The following FTCD variants were observed in gnomAD, a reference collection of about 807,000 sequenced individuals.
FTCD encodes formimidoyltransferase cyclodeaminase.
In FTCD, 76 loss-of-function variants were observed where a neutral mutation model predicts 62.9. The ratio of observed to expected loss-of-function variants is 1.21; its 90% CI spans 1.00 to 1.46. FTCD has a LOEUF of 1.46. Ranked by LOEUF, FTCD falls within the 40% of genes most tolerant of loss-of-function variation. The pLI is 0.00. For missense variants in FTCD, 845 were observed against 751.3 expected (o/e 1.12, Z -1.46); for synonymous variants, 397 against 336.9 (o/e 1.18, Z -1.95).
rs148763241 is a variant in FTCD at position 46,151,596 on chromosome 21, C to G, written c.598G>C (p.Ala200Pro). 6.2e-7 allele frequency: 1 copy of G among 1,613,014 alleles called. No homozygotes were observed. The highest frequency in any genetic ancestry group is 8.5e-7 in the Non-Finnish European group (1 of 1,179,978). ...CGGCCCTGCTCCCGCAGGTTGAGCG[C>G]GATGCGGTGGGCTTGCTCCTTTGTG... ...LGTKEQAHRI[A>P]LNLREQGRGK... The change falls in exon 5 of 14, where the codon GCG becomes CCG. Residue 200 changes from alanine (A) to proline (P), a missense_variant. Transcript: ENST00000397746.
At position 46,151,919 on chromosome 21, in the gene FTCD, G is replaced by C. The variant is rs771547230; in HGVS notation, c.429C>G (p.Ala143=). 2.5e-6 allele frequency: 4 copies of C among 1,568,834 alleles called. No individual in the cohort carries two copies. Among genetic ancestry groups the C allele is most frequent in the South Asian group, 2.3e-5 (2 of 85,948 alleles). The change falls in exon 4 of 14, where the codon GCC becomes GCG. Residue 143 remains alanine (A), a synonymous_variant. Coordinates refer to ENST00000397746, the MANE Select transcript of FTCD (RefSeq NM_206965.2). The stretch of plus-strand genomic sequence containing the variant: ...TCTTAGGGAGGGCCTCGTACTCCCC[G>C]GCCCGGATGGCCGGCAGGGTCCGGC... ...DSRRTLPAIR[A]GEYEALPKKL... is the part of the protein sequence containing the mutation.
At chr21:46,140,488 G>C (rs930921441) in intron 10 of FTCD, among the ~76,000 whole-genome samples, 1 of 146,320 alleles carries the variant, frequency 6.8e-6, no homozygotes, top group East Asian at 2.0e-4. Flanking sequence ...TTGTTCGCAG[G>C]GAATGTAAAT....
chr21:46,141,339 G>A (rs949933865), intron 10 of FTCD, among the ~76,000 whole-genome samples: 56 of 151,764 alleles, frequency 3.7e-4, no homozygotes, highest in African/African-American at 1.4e-3. Context: ...TAAATACAGG[G>A]TCTTGGTGTG....
Position 46,152,887 on chromosome 21 carries a change from G to C in FTCD, c.367+20C>G, listed in dbSNP as rs756700757. 2.6e-6 allele frequency: 4 copies of C among 1,564,088 alleles called. No individual in the cohort carries two copies. Among genetic ancestry groups the C allele is most frequent in the Admixed American group, 1.9e-5 (1 of 53,976 alleles). ...CAATGAGACGGGAGCAGAGTGAGGG[G>C]GGCGGGGGGGCACGCTCACCTGGCA... is the stretch of plus-strand genomic sequence containing the variant. On this transcript the variant is annotated intron_variant, in intron 3 of 13. Coordinates refer to ENST00000397746, the MANE Select transcript of FTCD (RefSeq NM_206965.2).
intron 5 of FTCD, 149 bp downstream of exon 5, chr21:46,151,409 C>T (rs1467977544): frequency 1.2e-5 from 9 of 736,166 alleles, no homozygotes; most frequent in South Asian, 6.5e-5. Context: ...ACGGTGTGGA[C>T]GCGGAGGCTG....
intron 10 of FTCD, among the ~76,000 whole-genome samples, chr21:46,141,793 A>G (rs571398046): frequency 6.6e-6 from 1 of 152,340 alleles, no homozygotes; most frequent in South Asian, 2.1e-4. Flanking sequence ...TATTCACCAG[A>G]TAACTTCCTG....
chr21:46,138,684 C>A (rs1314284728), intron 11 of FTCD, 38 bp from the exon 12 acceptor site: 2 of 1,590,744 alleles, frequency 1.3e-6, no homozygotes. Context: ...CACAGCGGCA[C>A]ACACAGGCAG....
chr21:46,138,883 T>TC lies in FTCD; in HGVS notation c.1300dup (p.Asp434GlyfsTer78). The TC allele has an allele frequency of 1.9e-6, 3 of 1,612,094 alleles. No homozygotes were observed. Among genetic ancestry groups the TC allele is most frequent in the Non-Finnish European group, 2.5e-6 (3 of 1,178,328 alleles). On this transcript the variant is annotated frameshift_variant, in exon 11 of 14. Transcript: ENST00000397746. LOFTEE classifies it high-confidence loss of function. ...GCGGCCGGCCCTCCAGGCTCACCTG[T>TC]CCTTTTCCTCAGGTGTGTTCTTGGG...
intron 7 of FTCD, chr21:46,146,978 G>A (rs1295205584): frequency 6.6e-6 from 1 of 152,534 alleles, no homozygotes; most frequent in African/African-American, 2.4e-5. Flanking sequence ...TCCTTCCGCA[G>A]AAAACCCCAG....
In FTCD at chr21:46,136,998, G is replaced by C. The variant is rs756994444; in HGVS notation, c.1615C>G (p.Arg539Gly). ...AALVLDCLET[R>G]QE ...GGCCTCCCGCACCGTCACTCCTGCC[G>C]GGTCTCCAAGCAGTCCAGCACCAGT... Residue 539 changes from arginine (R) to glycine (G), a missense_variant, in exon 14 of 14, where the codon CGG becomes GGG. Coordinates refer to ENST00000397746, the MANE Select transcript of FTCD (RefSeq NM_206965.2). The C allele has an allele frequency of 2.1e-5, 34 of 1,613,228 alleles. No homozygotes were observed. The highest frequency in any genetic ancestry group is 2.8e-5 in the Non-Finnish European group (33 of 1,179,994).
At position 46,152,955 on chromosome 21, in the gene FTCD, A is replaced by G. The variant is rs377359525; in HGVS notation, c.319T>C (p.Cys107Arg). The change falls in exon 3 of 14, where the codon TGC (cysteine) becomes CGC (arginine). Residue 107 changes from cysteine to arginine, a missense_variant. Cys to Arg is a radical substitution (Grantham distance 180). Transcript: ENST00000397746. The stretch of plus-strand genomic sequence containing the variant: ...AGCCTCTGGCCAAAGGCCTGGGCGC[A>G]GAGCACACACTCATCCACGCTGACG... ...RGVSVDECVLCAQAFGQRLAE... is the reference protein window; with the variant it reads ...RGVSVDECVLRAQAFGQRLAE... 4.8e-4 allele frequency: 752 copies of G among 1,562,668 alleles called. No homozygotes were observed. Among genetic ancestry groups the G allele is most frequent in the Admixed American group, 6.5e-4 (34 of 52,296 alleles).
downstream of FTCD, chr21:46,136,729 G>T: frequency 1.4e-6 from 2 of 1,477,076 alleles, no homozygotes. Context: ...CCCAAGACCC[G>T]CAGCTCAGCT....
chr21:46,136,893 C>A lies in FTCD; in HGVS notation c.*94G>T. On this transcript the variant is annotated 3_prime_UTR_variant, in exon 14 of 14. Transcript: ENST00000397746. ...CTGCCCACCTACCCTCCGGGCCCCA[C>A]ACGAACAAGCTGTGTCCCCACCGAG... 1 of 1,589,182 alleles carries A rather than the reference C, an allele frequency of 6.3e-7. No individual in the cohort carries two copies. Among genetic ancestry groups the A allele is most frequent in the Non-Finnish European group, 8.6e-7 (1 of 1,168,626 alleles).
In FTCD at chr21:46,137,011, G is replaced by A. The variant is rs760218001; in HGVS notation, c.1602C>T (p.Asp534=). The stretch of plus-strand genomic sequence containing the variant: ...GTCACTCCTGCCGGGTCTCCAAGCA[G>A]TCCAGCACCAGTGCAGCCTGGGTCT... ...EAKTQAALVL[D]CLETRQE Residue 534 remains aspartate, a synonymous_variant, in exon 14 of 14, where the codon GAC becomes GAT. Transcript: ENST00000397746. 10 of 1,613,556 alleles carry A rather than the reference G, an allele frequency of 6.2e-6. No individual in the cohort carries two copies. The South Asian group carries it at 9.9e-5, about 16-fold the overall frequency.
At position 46,141,168 on chromosome 21, in the gene FTCD, C is replaced by T. The variant is rs1000434822; in HGVS notation, c.1261-2245G>A. 3.3e-5 allele frequency among the ~76,000 whole-genome samples: 5 copies of T among 152,132 alleles called. No individual in the cohort carries two copies. The South Asian group carries it at 1.0e-3, about 32-fold the overall frequency. ...TATGTTTACATTAGAGACAGGGTGT[C>T]GTTCTGTTGCCCAGGCTAGAGTGCA... On this transcript the variant is annotated intron_variant, in intron 10 of 13. Transcript: ENST00000397746.
In FTCD at chr21:46,138,490, T is replaced by TCCCCCGGGC; in HGVS notation, c.1443+9_1443+17dup. 1 of 1,570,820 alleles carries TCCCCCGGGC rather than the reference T, an allele frequency of 6.4e-7. No individual in the cohort carries two copies. The highest frequency in any genetic ancestry group is 8.6e-7 in the Non-Finnish European group (1 of 1,165,460). On this transcript the variant is annotated intron_variant, in intron 12 of 13. Transcript: ENST00000397746. ...CTGCTTTGCGGCAGGAGGCCTGGGG[T>TCCCCCGGGC]CCCCCGGGCCCCCCTACCTGGAGGT...
intron 10 of FTCD, among the ~76,000 whole-genome samples, chr21:46,144,311 C>G (rs1328974118): frequency 6.7e-6 from 1 of 148,940 alleles, no homozygotes; most frequent in East Asian, 2.0e-4. Context: ...AATCTCTCAT[C>G]TCTACACACG....
At chr21:46,146,236 T>C in intron 8 of FTCD, 30 bp downstream of exon 8, 2 of 1,512,186 alleles carry the variant, frequency 1.3e-6, no homozygotes, top group South Asian at 1.2e-5. Flanking sequence ...CCGGGAGGGG[T>C]GAGAAGAGGG....
chr21:46,144,046 G>A (rs1246442156), intron 10 of FTCD, among the ~76,000 whole-genome samples: 2 of 152,000 alleles, frequency 1.3e-5, no homozygotes, highest in African/African-American at 4.8e-5. Flanking sequence ...AAAAAATGAT[G>A]TGAGCTGTCC....
Sources: allele counts gnomAD v4.1 joint callset (sites outside exome capture counted in the v4.1 genomes callset), GRCh38; gene constraint gnomAD v4.1.1; transcripts MANE v1.5; gene names NCBI Gene and HGNC (gene_info 2026-07-23, HGNC 2026-07-21).